Variants in SYNE1 observed in about 807,000 individuals in gnomAD.
SYNE1 encodes the protein spectrin repeat containing nuclear envelope protein 1.
SYNE1 carries 616 observed loss-of-function variants against 1,111.0 expected under a neutral mutation model. That is an observed-to-expected ratio of 0.55 (90% CI 0.52 to 0.59). SYNE1 has a LOEUF of 0.59. Among genes scored for constraint, SYNE1 ranks in the 20% least tolerant of loss-of-function variants. SYNE1 has a pLI of 0.00. For synonymous variants in SYNE1, 3,855 were observed against 3,825.8 expected, an observed-to-expected ratio of 1.01 and a Z score of -0.28; for missense variants, 10,006 against 10,417.0, an observed-to-expected ratio of 0.96 and a Z score of 1.72.
intron 3 of SYNE1, among the ~76,000 whole-genome samples, chr6:152,618,292 G>A (rs7758168): frequency 0.057 from 8,691 of 152,120 alleles, 336 homozygotes; most frequent in Middle Eastern, 0.11. Context: ...CCATGAATAC[G>A]GAATCAGTGT....
chr6:152,461,596 C>A lies in SYNE1; in HGVS notation c.2394+1G>T. 1.2e-6 allele frequency: 2 copies of A among 1,613,956 alleles called. No homozygotes were observed. Among genetic ancestry groups the A allele is most frequent in the Non-Finnish European group, 1.7e-6 (2 of 1,179,898 alleles). On this transcript the variant is annotated splice_donor_variant, in intron 21 of 145. Transcript: ENST00000367255. LOFTEE classifies it high-confidence loss of function. ...TATTGTGCATTAAATTATTTTCGCA[C>A]CTTGGTTAGCTGCTCTTTGAGCTTT...
Position 152,371,935 on chromosome 6 carries a change from C to CAGGAAAGGAAAGGAA in SYNE1, c.9507+1087_9507+1101dup, listed in dbSNP as rs202166129. 1.1e-3 allele frequency among the ~76,000 whole-genome samples: 66 copies of CAGGAAAGGAAAGGAA among 62,856 alleles called. 5 individuals carry two copies. Among genetic ancestry groups the CAGGAAAGGAAAGGAA allele is most frequent in the African/African-American group, 4.0e-3 (64 of 16,162 alleles). The allele number at this position is 62,856 out of a possible 152,430, so 41.2% of individuals were successfully genotyped here. On this transcript the variant is annotated intron_variant, in intron 59 of 145. Coordinates refer to ENST00000367255, the MANE Select transcript of SYNE1 (RefSeq NM_182961.4). ...AAGGAAAGGAAAGGACAGGACAGGA[C>CAGGAAAGGAAAGGAA]AGGAAAGGAAAGGAAAGGAAAGGAA...
chr6:152,406,483 CAA>C (rs34312248), intron 45 of SYNE1, among the ~76,000 whole-genome samples: 30,800 of 137,560 alleles, frequency 0.22, 3,374 homozygotes, highest in East Asian at 0.35. Flanking sequence ...GATAAAAATG[CAA>C]AAAAAAAAAA....
At chr6:152,522,487 T>C (rs1023758452) in intron 5 of SYNE1, among the ~76,000 whole-genome samples, 1 of 152,132 alleles carries the variant, frequency 6.6e-6, no homozygotes, top group African/African-American at 2.4e-5. Context: ...TGGGTCCATA[T>C]CTTTGCAATT....
intron 63 of SYNE1, among the ~76,000 whole-genome samples, chr6:152,363,492 T>C (rs2096983748): frequency 7.1e-6 from 1 of 141,436 alleles, no homozygotes; most frequent in African/African-American, 2.6e-5. Context: ...AGACTCCGTC[T>C]CAAACTAAAT....
At chr6:152,617,279 G>C (rs1000392415) in intron 3 of SYNE1, among the ~76,000 whole-genome samples, 5 of 152,150 alleles carry the variant, frequency 3.3e-5, no homozygotes, top group African/African-American at 1.2e-4. Context: ...AAATAATTTA[G>C]ACCATCCAGT....
chr6:152,224,534 C>G lies in SYNE1; in HGVS notation c.21482G>C (p.Gly7161Ala). The part of the protein sequence containing the change: ...YSLSRFRLLT[G>A]SLEAVQVQVD... ...CTGAACTTGCACAGCTTCTAAGGAG[C>G]CAGTCAGCAGACGGAATCGGGAAAG... Residue 7161 changes from glycine (G) to alanine (A), a missense_variant, in exon 117 of 146, where the codon GGC becomes GCC. Transcript: ENST00000367255. 2 of 1,613,986 alleles carry G rather than the reference C, an allele frequency of 1.2e-6. No homozygotes were observed. Among genetic ancestry groups the G allele is most frequent in the Non-Finnish European group, 1.7e-6 (2 of 1,179,944 alleles).
At chr6:152,545,350 C>G (rs1009123390) in intron 3 of SYNE1, among the ~76,000 whole-genome samples, 1 of 152,082 alleles carries the variant, frequency 6.6e-6, no homozygotes, top group African/African-American at 2.4e-5. Context: ...AAAGCCCAGG[C>G]AGGAGGATCA....
chr6:152,433,977 C>G (rs370239475), intron 33 of SYNE1, 32 bp from the exon 34 acceptor site: 241 of 1,563,790 alleles, frequency 1.5e-4, no homozygotes, highest in Non-Finnish European at 2.0e-4. Flanking sequence ...AAATAAAACT[C>G]AGTATTTTAA....
intron 73 of SYNE1, among the ~76,000 whole-genome samples, chr6:152,346,565 C>T (rs2096635466): frequency 6.6e-6 from 1 of 151,724 alleles, no homozygotes; most frequent in African/African-American, 2.4e-5. Context: ...AATCCCAGCA[C>T]GTTGGGAGGC....
At chr6:152,402,775 C>CAG (rs35543666) in intron 46 of SYNE1, 12 of 150,510 alleles carry the variant, frequency 8.0e-5, no homozygotes, top group Admixed American at 1.3e-4. Context: ...GAGAGAGAAA[C>CAG]AGAGAGAGAG....
rs747044637 is a variant in SYNE1, at chr6:152,352,011, T to TAA, written c.11580+15_11580+16insTT. The TAA allele has an allele frequency of 1.9e-6, 3 of 1,612,494 alleles. No individual in the cohort carries two copies. Among genetic ancestry groups the TAA allele is most frequent in the Non-Finnish European group, 2.5e-6 (3 of 1,179,374 alleles). ...TGTGACCTCTGCATGCATCTGTCAA[T>TAA]GAGTAAACACACTACCTTGTATTTA... On this transcript the variant is annotated intron_variant, in intron 70 of 145. Coordinates refer to ENST00000367255, the MANE Select transcript of SYNE1 (RefSeq NM_182961.4).
intron 76 of SYNE1, 94 bp from the exon 77 acceptor site, chr6:152,334,367 T>C (rs958016466): frequency 7.3e-7 from 1 of 1,367,948 alleles, no homozygotes; most frequent in Non-Finnish European, 1.0e-6. Context: ...TTAAACACTC[T>C]AAGTTCCTTA....
rs575059324 is a variant in SYNE1, at chr6:152,244,129, A to G, written c.19692+408T>C. ...GCCTTAGAAAAAAACACTTTCTACAAAGTATTACTTTGATTATTTGCTTTT... is the reference window on the plus strand; with the variant it reads ...GCCTTAGAAAAAAACACTTTCTACAGAGTATTACTTTGATTATTTGCTTTT... On this transcript the variant is annotated intron_variant, in intron 106 of 145. Coordinates refer to ENST00000367255, the MANE Select transcript of SYNE1 (RefSeq NM_182961.4). Among the ~76,000 whole-genome samples, 16 of 152,286 alleles carry G rather than the reference A, an allele frequency of 1.1e-4. No individual in the cohort carries two copies. In the South Asian group the frequency reaches 3.3e-3, roughly 32 times the overall value.
At chr6:152,155,255 T>C in intron 132 of SYNE1, 1 of 549,378 alleles carries the variant, frequency 1.8e-6, no homozygotes, top group South Asian at 2.1e-5. Context: ...TAAAAACACG[T>C]CCTGCAACTC....
intron 3 of SYNE1, among the ~76,000 whole-genome samples, chr6:152,618,005 CATA>C (rs2099664674): frequency 6.6e-6 from 1 of 152,084 alleles, no homozygotes; most frequent in Non-Finnish European, 1.5e-5. Context: ...CCCTTCCAAC[CATA>C]ATGAGTTTAT....
chr6:152,305,668 A>T (rs2095352319), intron 91 of SYNE1, among the ~76,000 whole-genome samples: 1 of 152,222 alleles, frequency 6.6e-6, no homozygotes, highest in South Asian at 2.1e-4. Context: ...ATTGAGATTC[A>T]ATTAAAACAA....
chr6:152,442,400 A>G (rs2098539980), intron 30 of SYNE1, among the ~76,000 whole-genome samples, 155 bp from the exon 31 acceptor site: 1 of 152,230 alleles, frequency 6.6e-6, no homozygotes, highest in Non-Finnish European at 1.5e-5. Context: ...CGGTTGCTAT[A>G]TTAGTCAAAG....
At chr6:152,587,660 C>T (rs2099544694) in intron 3 of SYNE1, among the ~76,000 whole-genome samples, 1 of 152,128 alleles carries the variant, frequency 6.6e-6, no homozygotes, top group Non-Finnish European at 1.5e-5. Context: ...TTTCCCCTTC[C>T]CACATCCTCT....
Sources: gnomAD v4.1 joint callset for allele counts (sites outside exome capture counted in the v4.1 genomes callset) on GRCh38, gnomAD v4.1.1 for gene constraint, MANE v1.5 for transcripts, NCBI Gene and HGNC (gene_info 2026-07-23, HGNC 2026-07-21) for gene names.